The following ANXA9 variants were observed in gnomAD, a reference collection of about 807,000 sequenced individuals.
The protein encoded by ANXA9 is annexin 31.
ANXA9 carries 47 observed loss-of-function variants against 51.8 expected under a neutral mutation model. The observed-to-expected ratio is 0.91, with a 90% confidence interval of 0.72 to 1.16. The LOEUF (loss-of-function observed/expected upper bound fraction) is 1.16. Among genes scored for constraint, ANXA9 ranks in the 50% most tolerant of loss-of-function variants. The probability of loss-of-function intolerance (pLI) is 0.00; values close to 1 mark genes in which losing one functional copy is unlikely to be tolerated. For synonymous variants in ANXA9, 154 were observed against 168.7 expected (o/e 0.91, Z 0.68); for missense variants, 361 against 424.7 (o/e 0.85, Z 1.32).
chr1:150,987,079 A>G (rs771025751), intron 9 of ANXA9, among the ~76,000 whole-genome samples: 2 of 152,182 alleles, frequency 1.3e-5, no homozygotes, highest in East Asian at 3.9e-4. Context: ...AATAAAAACA[A>G]CTAGTAGGCC....
intron 4 of ANXA9, 71 bp from the exon 5 acceptor site, chr1:150,983,904 C>A: frequency 6.7e-7 from 1 of 1,481,734 alleles, no homozygotes; most frequent in Non-Finnish European, 9.2e-7. Context: ...AGCGCCTTCC[C>A]TCCTCCAAGG....
upstream of ANXA9, among the ~76,000 whole-genome samples, chr1:150,978,985 G>A (rs1344335203): frequency 6.6e-6 from 1 of 151,500 alleles, no homozygotes; most frequent in Non-Finnish European, 1.5e-5. Context: ...AAGAAAAGGT[G>A]GTAGATTAGA....
At chr1:150,982,834 G>A (rs896116742) in intron 2 of ANXA9, among the ~76,000 whole-genome samples, 1 of 152,156 alleles carries the variant, frequency 6.6e-6, no homozygotes, top group African/African-American at 2.4e-5. Flanking sequence ...GAGGGTTGGC[G>A]CCTGGTCCAG....
intron 12 of ANXA9, among the ~76,000 whole-genome samples, chr1:150,993,802 T>C (rs1344603172): frequency 6.6e-6 from 1 of 151,794 alleles, no homozygotes; most frequent in East Asian, 1.9e-4. Context: ...GCCTGGCTTA[T>C]TTTTGTATTT....
chr1:150,985,342 C>A (rs1346467513), intron 7 of ANXA9, among the ~76,000 whole-genome samples: 2 of 152,106 alleles, frequency 1.3e-5, no homozygotes, highest in Non-Finnish European at 2.9e-5. Context: ...TGCCATCACA[C>A]CACATTCCAA....
At chr1:150,980,404 AAAT>A (rs2102783049), upstream of ANXA9, among the ~76,000 whole-genome samples, 1 of 151,864 alleles carries the variant, frequency 6.6e-6, no homozygotes, top group East Asian at 1.9e-4. Flanking sequence ...TCAAAAAAAA[AAAT>A]GTTAGTATAT....
upstream of ANXA9, among the ~76,000 whole-genome samples, chr1:150,979,385 G>T (rs911225311): frequency 6.6e-6 from 1 of 152,040 alleles, no homozygotes; most frequent in East Asian, 1.9e-4. Context: ...AAAGCCGAGG[G>T]CCAGGGGGAC....
intron 13 of ANXA9, 115 bp from the exon 14 acceptor site, chr1:150,995,145 C>G: frequency 9.4e-7 from 1 of 1,066,164 alleles, no homozygotes; most frequent in Non-Finnish European, 1.4e-6. Flanking sequence ...TCTGAGCTCC[C>G]GGGAGGACCC....
At position 150,984,279 on chromosome 1, in the gene ANXA9, A is replaced by G; in HGVS notation, c.268-2A>G. ...CTCTGCTGTGAGGACCATTTATTGT[A>G]GGACCTGATGAAGTCTCTACAGGCA... On this transcript the variant is annotated splice_acceptor_variant, in intron 5 of 13. Coordinates refer to ENST00000368947, the MANE Select transcript of ANXA9 (RefSeq NM_003568.3). LOFTEE classifies it high-confidence loss of function. 1.2e-6 allele frequency: 2 copies of G among 1,613,296 alleles called. No individual in the cohort carries two copies. The highest frequency in any genetic ancestry group is 1.7e-6 in the Non-Finnish European group (2 of 1,179,230).
upstream of ANXA9, among the ~76,000 whole-genome samples, chr1:150,980,122 G>T (rs1423381183): frequency 6.6e-6 from 1 of 152,116 alleles, no homozygotes. Context: ...AATAATTACA[G>T]GCGGTGGCTC....
intron 9 of ANXA9, among the ~76,000 whole-genome samples, chr1:150,987,337 C>CA (rs1200749615): frequency 6.7e-6 from 1 of 150,014 alleles, no homozygotes; most frequent in Non-Finnish European, 1.5e-5. Flanking sequence ...GCCTGGGTGA[C>CA]AGAGAGAGAC....
chr1:150,994,780 C>T, intron 13 of ANXA9, 81 bp downstream of exon 13: 1 of 1,567,304 alleles, frequency 6.4e-7, no homozygotes, highest in Non-Finnish European at 8.7e-7. Flanking sequence ...CACAGCTGAG[C>T]ATATTCTTGC....
At position 150,988,305 on chromosome 1, in the gene ANXA9, G is replaced by A. The variant is rs372215070; in HGVS notation, c.816G>A (p.Pro272=). 154 of 1,614,112 alleles carry A rather than the reference G, an allele frequency of 9.5e-5. No homozygotes were observed. Among genetic ancestry groups the A allele is most frequent in the Non-Finnish European group, 1.2e-4 (136 of 1,180,030 alleles). The change falls in exon 12 of 14, where the codon CCG becomes CCA. Residue 272 remains proline (P), a synonymous_variant. Coordinates refer to ENST00000368947, the MANE Select transcript of ANXA9 (RefSeq NM_003568.3). ...LGLASVIKNT[P]LYFADKLHQA... ...CAGCTTCGGTGATCAAGAACACACCGCTGTACTTTGCTGACAAACTTCATC... is the reference window on the plus strand; with the variant it reads ...CAGCTTCGGTGATCAAGAACACACCACTGTACTTTGCTGACAAACTTCATC...
At chr1:150,984,721 G>A (rs1671505962) in intron 7 of ANXA9, 45 bp downstream of exon 7, 1 of 1,542,602 alleles carries the variant, frequency 6.5e-7, no homozygotes, top group Middle Eastern at 1.8e-4. Flanking sequence ...AGAAGGGGCT[G>A]TAGGACAGGC....
intron 13 of ANXA9, 74 bp downstream of exon 13, chr1:150,994,773 A>G: frequency 6.3e-7 from 1 of 1,579,046 alleles, no homozygotes; most frequent in South Asian, 1.1e-5. Flanking sequence ...CCCTGCACAC[A>G]GCTGAGCATA....
At chr1:150,984,453 C>CTT in intron 6 of ANXA9, 59 bp downstream of exon 6, 2 of 1,581,298 alleles carry the variant, frequency 1.3e-6, no homozygotes, top group Non-Finnish European at 1.7e-6. Flanking sequence ...GTCAGCCTTG[C>CTT]TTTTGCAAGA....
upstream of ANXA9, among the ~76,000 whole-genome samples, chr1:150,979,984 C>T (rs760776508): frequency 2.0e-5 from 3 of 152,164 alleles, no homozygotes; most frequent in Non-Finnish European, 2.9e-5. Context: ...ACCAGAATCC[C>T]GACTCTGAGA....
intron 12 of ANXA9, among the ~76,000 whole-genome samples, chr1:150,988,767 TC>T (rs1195036781): frequency 6.6e-6 from 1 of 152,108 alleles, no homozygotes; most frequent in Non-Finnish European, 1.5e-5. Context: ...ACCATATCCA[TC>T]CGTATCTTAT....
chr1:150,981,038 C>G (rs1671407122), upstream of ANXA9, among the ~76,000 whole-genome samples: 1 of 152,074 alleles, frequency 6.6e-6, no homozygotes, highest in African/African-American at 2.4e-5. Flanking sequence ...CCAGCATGTC[C>G]CACAGCCTCC....
Sources: gnomAD v4.1 joint callset for allele counts (sites outside exome capture counted in the v4.1 genomes callset) on GRCh38, gnomAD v4.1.1 for gene constraint, MANE v1.5 for transcripts, NCBI Gene and HGNC (gene_info 2026-07-23, HGNC 2026-07-21) for gene names.